VEPH1: variants seen among roughly 807,000 people sequenced by gnomAD.
The protein encoded by VEPH1 is ventricular zone expressed PH domain containing 1.
Under a neutral mutation model 85.2 loss-of-function variants are expected in VEPH1, and 80 were observed. The observed-to-expected ratio is 0.94, with a 90% CI of 0.78 to 1.13. The LOEUF is 1.13. VEPH1 is among the 50% of genes most tolerant of loss of function. VEPH1 has a pLI of 0.00. For missense variants in VEPH1, 955 were observed against 980.5 expected (o/e 0.97, Z 0.35); for synonymous variants, 297 against 348.0 (o/e 0.85, Z 1.63).
chr3:157,262,101 C>G (rs1330081027), intron 13 of VEPH1, among the ~76,000 whole-genome samples: 5 of 152,120 alleles, frequency 3.3e-5, no homozygotes, highest in East Asian at 1.9e-4. Flanking sequence ...TCTCCTGTTG[C>G]AATCACCCTC....
intron 2 of VEPH1, among the ~76,000 whole-genome samples, chr3:157,479,771 A>G (rs941656656): frequency 6.6e-6 from 1 of 152,208 alleles, no homozygotes; most frequent in Non-Finnish European, 1.5e-5. Flanking sequence ...CCTAATTTTT[A>G]AAGTTAGAAT....
chr3:157,304,018 AT>A (rs373193825), intron 11 of VEPH1, among the ~76,000 whole-genome samples: 9 of 64,842 alleles, frequency 1.4e-4, no homozygotes, highest in Admixed American at 2.3e-4. Flanking sequence ...CTCATCTTAT[AT>A]TTTTTATATA....
chr3:157,309,398 T>A (rs1382469231), intron 11 of VEPH1, among the ~76,000 whole-genome samples: 3 of 152,214 alleles, frequency 2.0e-5, no homozygotes. Flanking sequence ...CTCACTCACT[T>A]TGTTCAGTGA....
At position 157,317,101 on chromosome 3, in the gene VEPH1, T is replaced by TTCTCA; in HGVS notation, c.1835_1836insTGAGA (p.Glu612AspfsTer52). On this transcript the variant is annotated frameshift_variant, in exon 10 of 14. Transcript: ENST00000362010. LOFTEE classifies it high-confidence loss of function. Reference sequence around the variant, plus strand: ...ACATGATCTGGATCCATGGCTGAGGTTCTTGGCTGATGAGAATAAAACTGG... The same window carrying TTCTCA: ...ACATGATCTGGATCCATGGCTGAGGTTCTCATCTTGGCTGATGAGAATAAAACTGG... The TTCTCA allele has an allele frequency of 1.2e-6, 2 of 1,613,526 alleles. No individual in the cohort carries two copies. Among genetic ancestry groups the TTCTCA allele is most frequent in the Non-Finnish European group, 1.7e-6 (2 of 1,179,714 alleles).
chr3:157,489,157 C>T (rs747253284), intron 2 of VEPH1: 1 of 456,392 alleles, frequency 2.2e-6, no homozygotes, highest in African/African-American at 2.0e-5. Flanking sequence ...TGCCTTTCCA[C>T]AGACTGTTCC....
intron 11 of VEPH1, among the ~76,000 whole-genome samples, chr3:157,290,693 T>C (rs1173632482): frequency 1.3e-5 from 2 of 152,204 alleles, no homozygotes; most frequent in Non-Finnish European, 2.9e-5. Context: ...ATATTCATAG[T>C]AGGCATGCAC....
At chr3:157,345,658 G>C (rs980397713) in intron 9 of VEPH1, among the ~76,000 whole-genome samples, 7 of 152,190 alleles carry the variant, frequency 4.6e-5, no homozygotes, top group African/African-American at 1.7e-4. Context: ...AATACCATTT[G>C]ACCCAGCCAT....
Position 157,364,324 on chromosome 3 carries a change from CT to C in VEPH1, c.1315del (p.Arg439GlufsTer44), listed in dbSNP as rs776345956. The C allele has an allele frequency of 1.9e-6, 3 of 1,610,746 alleles. No homozygotes were observed. Among genetic ancestry groups the C allele is most frequent in the African/African-American group, 2.7e-5 (2 of 74,782 alleles). On this transcript the variant is annotated frameshift_variant, in exon 8 of 14. Transcript: ENST00000362010. LOFTEE classifies it high-confidence loss of function. The stretch of plus-strand genomic sequence containing the variant: ...ATACCTGTTAAATCTAATGTTTTTT[CT>C]TTCTTCTTTAGAAACTTGGCCCAGA... ...YSLGQVSKEE[R>X]KNIRFNRSKS...
chr3:157,273,698 G>C (rs1272276230), intron 12 of VEPH1, among the ~76,000 whole-genome samples: 1 of 152,028 alleles, frequency 6.6e-6, no homozygotes, highest in East Asian at 1.9e-4. Flanking sequence ...AAAGAGCCTT[G>C]GGCACCATGC....
At chr3:157,291,301 G>A (rs560598920) in intron 11 of VEPH1, among the ~76,000 whole-genome samples, 3 of 152,322 alleles carry the variant, frequency 2.0e-5, no homozygotes, top group East Asian at 3.9e-4. Flanking sequence ...AGTACAAGGT[G>A]TGAAATAAGC....
At chr3:157,312,241 T>C (rs184287481) in intron 11 of VEPH1, among the ~76,000 whole-genome samples, 1 of 152,324 alleles carries the variant, frequency 6.6e-6, no homozygotes, top group East Asian at 1.9e-4. Context: ...CAATACTTAT[T>C]ACTGGGCTAT....
At chr3:157,262,434 A>C (rs1442648435) in intron 13 of VEPH1, among the ~76,000 whole-genome samples, 1 of 152,166 alleles carries the variant, frequency 6.6e-6, no homozygotes, top group Non-Finnish European at 1.5e-5. Flanking sequence ...GGTCACAAGG[A>C]ATTTAAACAA....
intron 12 of VEPH1, 171 bp downstream of exon 12, chr3:157,286,386 A>G: frequency 1.6e-6 from 1 of 645,050 alleles, no homozygotes; most frequent in Non-Finnish European, 2.8e-6. Flanking sequence ...CCTTTTTCCT[A>G]CGACCACTTT....
At position 157,261,243 on chromosome 3, in the gene VEPH1, AC is replaced by A; in HGVS notation, c.2392del (p.Val798SerfsTer32). ...FEIFTDNKTY[V>X]FKAKDEKNAE... The stretch of plus-strand genomic sequence containing the variant: ...ATTCTTCTCATCCTTGGCCTTAAAG[AC>A]ATAGGTTTTATTGTCTGTGAAGATT... On this transcript the variant is annotated frameshift_variant, in exon 14 of 14. Transcript: ENST00000362010. LOFTEE classifies it high-confidence loss of function. The A allele has an allele frequency of 6.2e-7, 1 of 1,613,782 alleles. No homozygotes were observed. Among genetic ancestry groups the A allele is most frequent in the Non-Finnish European group, 8.5e-7 (1 of 1,179,796 alleles).
chr3:157,457,942 C>A (rs931346957), intron 4 of VEPH1, among the ~76,000 whole-genome samples: 1 of 152,104 alleles, frequency 6.6e-6, no homozygotes, highest in Non-Finnish European at 1.5e-5. Flanking sequence ...AGGAATGGTA[C>A]CAGCTCTTCT....
At chr3:157,499,709 G>A (rs1739952887) in intron 1 of VEPH1, 1 of 152,070 alleles carries the variant, frequency 6.6e-6, no homozygotes, top group Non-Finnish European at 1.5e-5. Context: ...TTTTAACAGA[G>A]AAAACAGAAC....
intron 1 of VEPH1, among the ~76,000 whole-genome samples, chr3:157,499,969 C>G (rs1739971704): frequency 1.3e-5 from 2 of 152,130 alleles, no homozygotes; most frequent in South Asian, 4.2e-4. Context: ...AGAAAGTATC[C>G]CTTTACTCTG....
chr3:157,286,666 G>A lies in VEPH1; in HGVS notation c.2019C>T (p.Asp673=). 1 of 1,613,498 alleles carries A rather than the reference G, an allele frequency of 6.2e-7. No homozygotes were observed. The highest frequency in any genetic ancestry group is 1.1e-5 in the South Asian group (1 of 91,068). The change falls in exon 12 of 14, where the codon GAC becomes GAT. Residue 673 remains aspartate, a synonymous_variant. Coordinates refer to ENST00000362010, the MANE Select transcript of VEPH1 (RefSeq NM_001167912.2). ...CTTCTTCCAGATGGAGCTGTACCTG[G>A]TCCAGATCCTGTGTCAGGAACACAA... ...ESTFPQQKDL[D]QVQLHLEEVR... is the part of the protein sequence containing the mutation.
At chr3:157,344,398 A>G (rs1300200351) in intron 9 of VEPH1, among the ~76,000 whole-genome samples, 1 of 152,222 alleles carries the variant, frequency 6.6e-6, no homozygotes, top group Non-Finnish European at 1.5e-5. Context: ...ACAAACAGAG[A>G]GCCAAATCAT....
Sources: allele counts gnomAD v4.1 joint callset (sites outside exome capture counted in the v4.1 genomes callset), GRCh38; gene constraint gnomAD v4.1.1; transcripts MANE v1.5; gene names NCBI Gene and HGNC (gene_info 2026-07-23, HGNC 2026-07-21).